Variants in KCNMB2 observed in about 807,000 individuals in gnomAD.
KCNMB2 encodes calcium-activated potassium channel subunit beta-2.
A neutral mutation model predicts 24.5 loss-of-function variants in KCNMB2; 9 were observed. That is an observed-to-expected ratio of 0.37 (90% CI 0.22 to 0.64). KCNMB2 has a LOEUF of 0.64. KCNMB2 is among the 30% of genes least tolerant of loss of function. The pLI is 0.63. For synonymous variants in KCNMB2, 109 were observed against 104.4 expected (o/e 1.04, Z -0.27); for missense variants, 226 against 284.3 (o/e 0.79, Z 1.47).
intron 1 of KCNMB2, among the ~76,000 whole-genome samples, chr3:178,734,586 T>C (rs1366776772): frequency 1.3e-5 from 2 of 152,184 alleles, no homozygotes; most frequent in Non-Finnish European, 2.9e-5. Context: ...TTACCTATTA[T>C]TTTGTCCAGT....
chr3:178,626,585 G>T (rs915619020), intron 1 of KCNMB2, among the ~76,000 whole-genome samples: 1 of 152,150 alleles, frequency 6.6e-6, no homozygotes, highest in African/African-American at 2.4e-5. Context: ...CAAGGCAGCA[G>T]GAGAGAAAGG....
intron 1 of KCNMB2, among the ~76,000 whole-genome samples, chr3:178,797,056 T>C (rs1713577612): frequency 6.6e-6 from 1 of 151,950 alleles, no homozygotes. Context: ...AAGGAGGCAT[T>C]ACACCTGATA....
At chr3:178,624,809 T>A (rs1719051854) in intron 1 of KCNMB2, among the ~76,000 whole-genome samples, 1 of 151,616 alleles carries the variant, frequency 6.6e-6, no homozygotes, top group Non-Finnish European at 1.5e-5. Flanking sequence ...CTGTCCCGAG[T>A]GACAGAGGTG....
intron 1 of KCNMB2, among the ~76,000 whole-genome samples, chr3:178,570,921 C>T (rs769873559): frequency 1.3e-5 from 2 of 152,090 alleles, no homozygotes; most frequent in Non-Finnish European, 2.9e-5. Context: ...TTCAACAATG[C>T]TTTGAAATAG....
intron 1 of KCNMB2, among the ~76,000 whole-genome samples, chr3:178,599,759 C>A (rs756886299): frequency 6.6e-6 from 1 of 152,174 alleles, no homozygotes; most frequent in African/African-American, 2.4e-5. Flanking sequence ...ACACACAACT[C>A]GTTTCCCTCT....
chr3:178,632,089 T>C (rs990027691), intron 1 of KCNMB2, among the ~76,000 whole-genome samples: 1 of 152,262 alleles, frequency 6.6e-6, no homozygotes, highest in Non-Finnish European at 1.5e-5. Context: ...GTTATCCTGA[T>C]GCTTTTGTTT....
rs114276712 is a variant in KCNMB2 at position 178,813,774 on chromosome 3, C to A, written c.56+6309C>A. Among the ~76,000 whole-genome samples the A allele has an allele frequency of 8.2e-4, 125 of 152,190 alleles. 1 individual carries two copies. Among genetic ancestry groups the A allele is most frequent in the African/African-American group, 2.7e-3 (114 of 41,546 alleles). ...TTTAATTCAGCCAAACTAATTAAGT[C>A]TTTAAAATTGTATTCTATTTTCTCC... On this transcript the variant is annotated intron_variant, in intron 2 of 4. Coordinates refer to ENST00000452583, the MANE Select transcript of KCNMB2 (RefSeq NM_181361.3).
At chr3:178,548,047 TTTCTC>T (rs776221320) in intron 1 of KCNMB2, among the ~76,000 whole-genome samples, 4 of 152,346 alleles carry the variant, frequency 2.6e-5, no homozygotes, top group Non-Finnish European at 4.4e-5. Context: ...TTCTGTCACT[TTTCTC>T]TTCACAGACA....
chr3:178,679,783 G>A (rs1721203184), intron 1 of KCNMB2, among the ~76,000 whole-genome samples: 1 of 152,076 alleles, frequency 6.6e-6, no homozygotes, highest in Admixed American at 6.6e-5. Context: ...AATTAACAGA[G>A]ACATTAAATT....
intron 1 of KCNMB2, among the ~76,000 whole-genome samples, chr3:178,595,201 C>G (rs1369975643): frequency 6.6e-6 from 1 of 152,024 alleles, no homozygotes; most frequent in Non-Finnish European, 1.5e-5. Context: ...TGTGCTTTAT[C>G]ATCCATTATC....
Position 178,557,342 on chromosome 3 carries a change from C to G in KCNMB2, c.-68+20631C>G, listed in dbSNP as rs146403638. On this transcript the variant is annotated intron_variant, in intron 1 of 4. Coordinates refer to ENST00000452583, the MANE Select transcript of KCNMB2 (RefSeq NM_181361.3). Reference sequence around the variant, plus strand: ...CTCTGAGATGAGGGTAGTATAGTACCGGGGTGGCGGAGTAAGAAAAGGATG... The same window carrying G: ...CTCTGAGATGAGGGTAGTATAGTACGGGGGTGGCGGAGTAAGAAAAGGATG... 5.9e-5 allele frequency among the ~76,000 whole-genome samples: 9 copies of G among 152,070 alleles called. No individual in the cohort carries two copies. The South Asian group carries it at 1.7e-3, about 28-fold the overall frequency.
intron 1 of KCNMB2, among the ~76,000 whole-genome samples, chr3:178,548,721 A>G (rs773468887): frequency 6.6e-6 from 1 of 152,192 alleles, no homozygotes; most frequent in Non-Finnish European, 1.5e-5. Flanking sequence ...CCAAGCTAGA[A>G]GGAGCCTCTC....
chr3:178,820,723 C>T (rs890082962), intron 2 of KCNMB2: 6 of 152,584 alleles, frequency 3.9e-5, no homozygotes, highest in South Asian at 4.1e-4. Flanking sequence ...TAATGCTTGG[C>T]GTAAAATTGA....
chr3:178,682,180 A>C (rs1353689580), intron 1 of KCNMB2, among the ~76,000 whole-genome samples: 1 of 152,188 alleles, frequency 6.6e-6, no homozygotes, highest in Non-Finnish European at 1.5e-5. Flanking sequence ...TCAGTAGGTT[A>C]AGTAATTTGG....
Position 178,635,025 on chromosome 3 carries a change from G to A in KCNMB2, c.-68+98314G>A, listed in dbSNP as rs560065328. Among the ~76,000 whole-genome samples, 10 of 152,202 alleles carry A rather than the reference G, an allele frequency of 6.6e-5. No individual in the cohort carries two copies. In the South Asian group the frequency reaches 1.7e-3, roughly 25 times the overall value. On this transcript the variant is annotated intron_variant, in intron 1 of 4. Coordinates refer to ENST00000452583, the MANE Select transcript of KCNMB2 (RefSeq NM_181361.3). ...ATTGAGGCTCCTGGACTGTGGTGAT[G>A]GAAGGGAATTGAATTCTGTTTTCAT...
At chr3:178,537,572 A>T (rs1201069578) in intron 1 of KCNMB2, among the ~76,000 whole-genome samples, 3 of 152,204 alleles carry the variant, frequency 2.0e-5, no homozygotes, top group African/African-American at 7.2e-5. Flanking sequence ...AACTTATTAT[A>T]CTGCTTTGTA....
chr3:178,676,713 G>C (rs920406225), intron 1 of KCNMB2, among the ~76,000 whole-genome samples: 2 of 152,162 alleles, frequency 1.3e-5, no homozygotes, highest in African/African-American at 4.8e-5. Context: ...AGTCTTTATA[G>C]CCTGGCACAC....
chr3:178,727,643 G>A (rs1364066746), intron 1 of KCNMB2, among the ~76,000 whole-genome samples: 1 of 152,096 alleles, frequency 6.6e-6, no homozygotes, highest in African/African-American at 2.4e-5. Context: ...GAAGATGGAG[G>A]AAGGGAGTCA....
chr3:178,632,627 T>A (rs963961545), intron 1 of KCNMB2, among the ~76,000 whole-genome samples: 1 of 152,154 alleles, frequency 6.6e-6, no homozygotes, highest in Non-Finnish European at 1.5e-5. Flanking sequence ...CACATGGGGA[T>A]TACGGGAACT....
Sources: gnomAD v4.1 joint callset for allele counts (sites outside exome capture counted in the v4.1 genomes callset) on GRCh38, gnomAD v4.1.1 for gene constraint, MANE v1.5 for transcripts, NCBI Gene and HGNC (gene_info 2026-07-23, HGNC 2026-07-21) for gene names.